Variants in DDX60 observed in about 807,000 individuals in gnomAD.
The protein encoded by DDX60 is DExD/H-box helicase 60.
DDX60 carries 165 observed loss-of-function variants against 212.8 expected under a neutral mutation model. That is an observed-to-expected ratio of 0.78 (90% CI 0.68 to 0.88). The LOEUF is 0.88. Among genes scored for constraint, DDX60 ranks in the 40% least tolerant of loss-of-function variants. The probability of loss-of-function intolerance (pLI) is 0.00; values close to 1 mark genes in which losing one functional copy is unlikely to be tolerated. For synonymous variants in DDX60, 703 were observed against 685.3 expected (o/e 1.03, Z -0.40); for missense variants, 1,905 against 2,003.9 (o/e 0.95, Z 0.94).
intron 14 of DDX60, among the ~76,000 whole-genome samples, chr4:168,279,692 C>A (rs1400919416): frequency 1.3e-5 from 2 of 152,042 alleles, no homozygotes; most frequent in South Asian, 4.2e-4. Flanking sequence ...GAGAGATTTG[C>A]CAACGTGTTT....
chr4:168,256,734 G>A (rs1161572580), intron 25 of DDX60, among the ~76,000 whole-genome samples: 2 of 152,196 alleles, frequency 1.3e-5, no homozygotes, highest in African/African-American at 2.4e-5. Flanking sequence ...GCATCTTGGT[G>A]GCAAAATGCT....
At chr4:168,268,353 A>C (rs950587290) in intron 20 of DDX60, among the ~76,000 whole-genome samples, 1 of 152,180 alleles carries the variant, frequency 6.6e-6, no homozygotes, top group African/African-American at 2.4e-5. Context: ...GAGGTATTAT[A>C]GGATTGTTAT....
intron 33 of DDX60, among the ~76,000 whole-genome samples, chr4:168,226,055 G>A (rs773718919): frequency 1.5e-4 from 23 of 151,966 alleles, no homozygotes; most frequent in Non-Finnish European, 2.9e-4. Flanking sequence ...AGTAAATCTC[G>A]TTTTGTTTTG....
intron 14 of DDX60, among the ~76,000 whole-genome samples, chr4:168,279,580 T>C (rs62337770): frequency 0.32 from 48,993 of 152,122 alleles, 8,179 homozygotes; most frequent in African/African-American, 0.41. Flanking sequence ...AAATGCCTGC[T>C]GGAAGAATTT....
At position 168,290,738 on chromosome 4, in the gene DDX60, C is replaced by A. The variant is rs111793168; in HGVS notation, c.1041+1010G>T. Among the ~76,000 whole-genome samples, 871 of 152,178 alleles carry A rather than the reference C, an allele frequency of 5.7e-3. 3 individuals carry two copies. Among genetic ancestry groups the A allele is most frequent in the Non-Finnish European group, 9.3e-3 (632 of 68,012 alleles). On this transcript the variant is annotated intron_variant, in intron 8 of 37. Coordinates refer to ENST00000393743, the MANE Select transcript of DDX60 (RefSeq NM_017631.6). ...TCAGATTATAAAGCATTCTATGATT[C>A]CGTCTTCATAATTACTTTTAAAATT... is the stretch of plus-strand genomic sequence containing the variant.
chr4:168,257,792 T>C (rs931552943), intron 25 of DDX60, among the ~76,000 whole-genome samples: 2 of 152,154 alleles, frequency 1.3e-5, no homozygotes, highest in African/African-American at 4.8e-5. Flanking sequence ...TAACCCAAGA[T>C]GCACAGCTAT....
At chr4:168,324,509 T>A in the DDX60 span, among the ~76,000 whole-genome samples, 1 of 152,098 alleles carries the variant, frequency 6.6e-6, no homozygotes, top group Admixed American at 6.5e-5. Flanking sequence ...GGGGCCCTGT[T>A]TAAGGTGGGC....
chr4:168,283,469 C>T lies in DDX60; in HGVS notation c.1699G>A (p.Gly567Arg), dbSNP rs866446972. 1.2e-6 allele frequency: 2 copies of T among 1,613,370 alleles called. No homozygotes were observed. Among genetic ancestry groups the T allele is most frequent in the South Asian group, 2.2e-5 (2 of 91,018 alleles). ...QTIKSKKDFSGPKSKKAHETK... is the reference protein window; with the variant it reads ...QTIKSKKDFSRPKSKKAHETK... ...ACGTGTGCCTTTTTGCTCTTGGGCC[C>T]ACTAAAATCCTTCTTTGACTTAATA... The change falls in exon 13 of 38, where the codon GGG becomes AGG. Residue 567 changes from glycine to arginine, a missense_variant. Transcript: ENST00000393743.
intron 6 of DDX60, among the ~76,000 whole-genome samples, chr4:168,298,188 A>C (rs1736494376): frequency 6.6e-6 from 1 of 152,086 alleles, no homozygotes; most frequent in Admixed American, 6.5e-5. Flanking sequence ...AACAAAGAAT[A>C]CACATATCGT....
In DDX60 at chr4:168,288,310, C is replaced by CT. The variant is rs1735949611; in HGVS notation, c.1046dup (p.Trp350ValfsTer3). 3.4e-6 allele frequency: 5 copies of CT among 1,464,548 alleles called. No homozygotes were observed. Among genetic ancestry groups the CT allele is most frequent in the South Asian group, 1.2e-5 (1 of 80,056 alleles). The allele number at this position is 1,464,548 out of a possible 1,614,324, so 90.7% of individuals were successfully genotyped here. A position where few individuals can be genotyped will look rare whatever the true frequency, so the allele number is the denominator to read the frequency against. ...TTCTTAAGATGAAATATTCACACCA[C>CT]TTTTTCTGAAAATTGAAAAGAAAAC... On this transcript the variant is annotated frameshift_variant, in exon 9 of 38. Coordinates refer to ENST00000393743, the MANE Select transcript of DDX60 (RefSeq NM_017631.6). LOFTEE classifies it high-confidence loss of function.
At chr4:168,285,567 T>C in intron 10 of DDX60, 69 bp from the exon 11 acceptor site, 2 of 918,258 alleles carry the variant, frequency 2.2e-6, no homozygotes, top group South Asian at 3.2e-5. Flanking sequence ...TATTACATAT[T>C]ATTTTCTAAA....
rs760853627 is a variant in DDX60, at chr4:168,277,787, C to A, written c.1979-1606G>T. Among the ~76,000 whole-genome samples, 4 of 130,046 alleles carry A rather than the reference C, an allele frequency of 3.1e-5. No homozygotes were observed. In the Admixed American group the frequency reaches 3.8e-4, roughly 12 times the overall value. The allele number at this position is 130,046 out of a possible 152,430, so 85.3% of individuals were successfully genotyped here. ...TAGTGCCACTGCACTGCAGCCTGAG[C>A]GAAAGAGCGAGACTCCATCTCAAAA... On this transcript the variant is annotated intron_variant, in intron 14 of 37. Transcript: ENST00000393743.
chr4:168,295,564 G>A (rs1736305787), intron 6 of DDX60, among the ~76,000 whole-genome samples: 1 of 152,200 alleles, frequency 6.6e-6, no homozygotes, highest in African/African-American at 2.4e-5. Flanking sequence ...CAGACCATGA[G>A]GCACCCCTGG....
chr4:168,305,996 A>C (rs1736857790), intron 5 of DDX60, among the ~76,000 whole-genome samples: 1 of 152,194 alleles, frequency 6.6e-6, no homozygotes, highest in Admixed American at 6.5e-5. Context: ...GCAGCAGTTA[A>C]GGACACAGGG....
At chr4:168,280,787 G>A (rs1288551567) in intron 13 of DDX60, among the ~76,000 whole-genome samples, 197 bp from the exon 14 acceptor site, 1 of 152,192 alleles carries the variant, frequency 6.6e-6, no homozygotes, top group Non-Finnish European at 1.5e-5. Flanking sequence ...AATTTAGGGA[G>A]TGTAAAGGCT....
intron 22 of DDX60, among the ~76,000 whole-genome samples, chr4:168,266,041 C>T (rs1458036406): frequency 2.6e-5 from 4 of 152,104 alleles, no homozygotes; most frequent in Non-Finnish European, 5.9e-5. Flanking sequence ...CATTGTCACA[C>T]AAGAGATAAG....
At chr4:168,234,046 A>C (rs1162216657) in intron 33 of DDX60, among the ~76,000 whole-genome samples, 2 of 152,118 alleles carry the variant, frequency 1.3e-5, no homozygotes, top group African/African-American at 4.8e-5. Flanking sequence ...ATATTGTTCC[A>C]TTGTCCACTA....
Position 168,237,894 on chromosome 4 carries a change from A to T in DDX60, c.4165-99T>A, listed in dbSNP as rs887604454. 1.1e-5 allele frequency: 9 copies of T among 802,782 alleles called. No homozygotes were observed. In the East Asian group the frequency reaches 2.4e-4, roughly 22 times the overall value. The allele number at this position is 802,782 out of a possible 1,614,324, so 49.7% of individuals were successfully genotyped here. A position where few individuals can be genotyped will look rare whatever the true frequency, so the allele number is the denominator to read the frequency against. ...ATAGATCAATATCTATTATACCACA[A>T]AGATATCAGAAATGTATCAGAAAAA... On this transcript the variant is annotated intron_variant, in intron 30 of 37. Coordinates refer to ENST00000393743, the MANE Select transcript of DDX60 (RefSeq NM_017631.6).
intron 5 of DDX60, among the ~76,000 whole-genome samples, chr4:168,304,544 T>C (rs1266170191): frequency 1.3e-5 from 2 of 151,668 alleles, no homozygotes; most frequent in Admixed American, 6.6e-5. Flanking sequence ...CTACAAAAAA[T>C]ACAAAAATTA....
Sources: gnomAD v4.1 joint callset for allele counts (sites outside exome capture counted in the v4.1 genomes callset) on GRCh38, gnomAD v4.1.1 for gene constraint, MANE v1.5 for transcripts, NCBI Gene and HGNC (gene_info 2026-07-23, HGNC 2026-07-21) for gene names.